The following ZMAT4 variants were observed in gnomAD, a reference collection of about 807,000 sequenced individuals.
The protein encoded by ZMAT4 is zinc finger matrin-type 4.
In ZMAT4, 17 loss-of-function variants were observed where a neutral mutation model predicts 28.7. That is an observed-to-expected ratio of 0.59 (90% CI 0.41 to 0.89). The LOEUF (loss-of-function observed/expected upper bound fraction) is 0.89, where lower values mean the gene tolerates loss of function less well. Among genes scored for constraint, ZMAT4 ranks in the 40% least tolerant of loss-of-function variants. The pLI is 0.00. For missense variants in ZMAT4, 240 were observed against 283.8 expected (o/e 0.85, Z 1.11); for synonymous variants, 117 against 109.2 (o/e 1.07, Z -0.44).
chr8:40,609,538 T>C (rs1805718768), intron 5 of ZMAT4, among the ~76,000 whole-genome samples: 1 of 152,164 alleles, frequency 6.6e-6, no homozygotes. Flanking sequence ...TTTTCTCCCT[T>C]TCAATAAGAA....
chr8:40,797,840 A>T (rs1208637316), intron 2 of ZMAT4, among the ~76,000 whole-genome samples: 1 of 152,202 alleles, frequency 6.6e-6, no homozygotes, highest in African/African-American at 2.4e-5. Context: ...TGTGTTGAAC[A>T]TTAGAACATG....
chr8:40,583,888 G>A (rs1446413660), intron 5 of ZMAT4, among the ~76,000 whole-genome samples: 2 of 152,142 alleles, frequency 1.3e-5, no homozygotes, highest in African/African-American at 2.4e-5. Flanking sequence ...CTCAGCAAAT[G>A]TGCATTTTTA....
At chr8:40,847,822 A>G (rs1170496330) in intron 1 of ZMAT4, among the ~76,000 whole-genome samples, 2 of 152,226 alleles carry the variant, frequency 1.3e-5, no homozygotes, top group African/African-American at 4.8e-5. Flanking sequence ...AGTGCAAGCC[A>G]GCCCTGCTTA....
intron 6 of ZMAT4, among the ~76,000 whole-genome samples, chr8:40,557,595 A>G (rs888711455): frequency 1.3e-5 from 2 of 152,132 alleles, no homozygotes; most frequent in Non-Finnish European, 1.5e-5. Flanking sequence ...AGTTCTCCTC[A>G]CAGGTGAGGT....
intron 5 of ZMAT4, among the ~76,000 whole-genome samples, chr8:40,607,314 G>A (rs559883629): frequency 1.8e-4 from 28 of 151,684 alleles, no homozygotes; most frequent in African/African-American, 4.6e-4. Context: ...TTAAATACAC[G>A]GTGAGACGGG....
chr8:40,841,470 T>C (rs1280727837), intron 1 of ZMAT4, among the ~76,000 whole-genome samples: 2 of 152,170 alleles, frequency 1.3e-5, no homozygotes, highest in Non-Finnish European at 2.9e-5. Flanking sequence ...TCTGCATCTG[T>C]CATGTGCTAA....
At chr8:40,610,640 T>G (rs1585754724) in intron 5 of ZMAT4, among the ~76,000 whole-genome samples, 1 of 152,258 alleles carries the variant, frequency 6.6e-6, no homozygotes, top group African/African-American at 2.4e-5. Context: ...ACAATTTAAT[T>G]CGGTTATCTT....
At chr8:40,598,975 AT>A (rs748136430) in intron 5 of ZMAT4, among the ~76,000 whole-genome samples, 13 of 152,216 alleles carry the variant, frequency 8.5e-5, no homozygotes, top group Non-Finnish European at 1.3e-4. Context: ...AATAAGAGAA[AT>A]AGACACAGAA....
At chr8:40,690,988 T>A in intron 4 of ZMAT4, 1 of 929,896 alleles carries the variant, frequency 1.1e-6, no homozygotes, top group Non-Finnish European at 1.3e-6. Flanking sequence ...TAAATATCTG[T>A]CTTTGTTGCT....
At chr8:40,798,653 T>C (rs1038074128) in intron 2 of ZMAT4, among the ~76,000 whole-genome samples, 1 of 152,168 alleles carries the variant, frequency 6.6e-6, no homozygotes, top group Admixed American at 6.5e-5. Flanking sequence ...AGAAGAAAAC[T>C]TCATTGACAA....
intron 5 of ZMAT4, among the ~76,000 whole-genome samples, chr8:40,671,221 G>A (rs1305671156): frequency 6.6e-6 from 1 of 152,144 alleles, no homozygotes; most frequent in African/African-American, 2.4e-5. Context: ...TTATATGTTG[G>A]CTTTTTGAAG....
intron 5 of ZMAT4, among the ~76,000 whole-genome samples, chr8:40,607,069 A>G (rs1222718725): frequency 9.1e-6 from 1 of 110,488 alleles, no homozygotes; most frequent in Non-Finnish European, 2.0e-5. Flanking sequence ...ATTGTTTTTT[A>G]TTTATGCTTT....
At chr8:40,698,964 G>A (rs886403886) in intron 3 of ZMAT4, among the ~76,000 whole-genome samples, 1 of 152,090 alleles carries the variant, frequency 6.6e-6, no homozygotes, top group Non-Finnish European at 1.5e-5. Context: ...CAATACTCTC[G>A]CTGAGGGTTT....
intron 1 of ZMAT4, among the ~76,000 whole-genome samples, chr8:40,890,474 T>C (rs982636085): frequency 1.3e-5 from 2 of 152,152 alleles, no homozygotes; most frequent in African/African-American, 2.4e-5. Flanking sequence ...TATCGGCTTC[T>C]GATGCTGCCC....
intron 6 of ZMAT4, among the ~76,000 whole-genome samples, chr8:40,575,333 T>C (rs73677417): frequency 0.11 from 16,121 of 151,874 alleles, 1,538 homozygotes; most frequent in African/African-American, 0.26. Context: ...GATACAGCCC[T>C]GAGAAGCCCA....
rs749363248 is a variant in ZMAT4 at position 40,700,406 on chromosome 8, C to CTTTTTTTTTTTTTTTTTTTTTTTTTTTTT, written c.193-3006_193-3005insAAAAAAAAAAAAAAAAAAAAAAAAAAAAA. Among the ~76,000 whole-genome samples the CTTTTTTTTTTTTTTTTTTTTTTTTTTTTT allele has an allele frequency of 9.9e-5, 6 of 60,768 alleles. 3 individuals carry two copies. Among genetic ancestry groups the CTTTTTTTTTTTTTTTTTTTTTTTTTTTTT allele is most frequent in the Admixed American group, 5.1e-4 (2 of 3,946 alleles). The allele number at this position is 60,768 out of a possible 152,430, so 39.9% of individuals were successfully genotyped here. Reference sequence around the variant, plus strand: ...TCACTTCCTTGAGGGGAAGCTGCTGCTTTTCTTTTTTTTTTTTTTTTTTTT... The same window carrying CTTTTTTTTTTTTTTTTTTTTTTTTTTTTT: ...TCACTTCCTTGAGGGGAAGCTGCTGCTTTTTTTTTTTTTTTTTTTTTTTTTTTTTTTTTCTTTTTTTTTTTTTTTTTTTT... On this transcript the variant is annotated intron_variant, in intron 3 of 6. Coordinates refer to ENST00000297737, the MANE Select transcript of ZMAT4 (RefSeq NM_024645.3).
At chr8:40,539,742 C>G (rs1563331674) in intron 6 of ZMAT4, among the ~76,000 whole-genome samples, 1 of 152,206 alleles carries the variant, frequency 6.6e-6, no homozygotes, top group African/African-American at 2.4e-5. Context: ...TCTGATGTAG[C>G]TCTTGTACAA....
intron 2 of ZMAT4, among the ~76,000 whole-genome samples, chr8:40,794,516 G>A (rs968645720): frequency 7.9e-5 from 12 of 152,144 alleles, no homozygotes; most frequent in Admixed American, 2.0e-4. Context: ...GCCTTCTTCC[G>A]GGGGAGTTTA....
chr8:40,781,053 G>A (rs1237758555), intron 2 of ZMAT4, among the ~76,000 whole-genome samples: 1 of 152,096 alleles, frequency 6.6e-6, no homozygotes, highest in Non-Finnish European at 1.5e-5. Flanking sequence ...ACAAATTGTG[G>A]GGGTGAGGGA....
Sources: allele counts gnomAD v4.1 joint callset (sites outside exome capture counted in the v4.1 genomes callset), GRCh38; gene constraint gnomAD v4.1.1; transcripts MANE v1.5; gene names NCBI Gene and HGNC (gene_info 2026-07-23, HGNC 2026-07-21).